The following FRY variants were observed in gnomAD, a reference collection of about 807,000 sequenced individuals.
The protein encoded by FRY is protein furry homolog.
FRY carries 128 observed loss-of-function variants against 348.4 expected under a neutral mutation model. That is an observed-to-expected ratio of 0.37 (90% CI 0.32 to 0.43). The LOEUF is 0.43. Ranked by LOEUF, FRY falls within the 20% of genes least tolerant of loss-of-function variation. FRY has a pLI of 1.00. For missense variants in FRY, 2,736 were observed against 3,695.2 expected, an observed-to-expected ratio of 0.74 and a Z score of 6.73; for synonymous variants, 1,370 against 1,374.7, an observed-to-expected ratio of 1.00 and a Z score of 0.08.
At chr13:32,268,505 A>AAAAAATAT (rs1555273232) in intron 55 of FRY, among the ~76,000 whole-genome samples, 1 of 28,302 alleles carries the variant, frequency 3.5e-5, no homozygotes, top group Non-Finnish European at 8.2e-5. Flanking sequence ...AAAAAAAAAA[A>AAAAAATAT]ATATATATAT....
At chr13:32,262,572 G>A in intron 53 of FRY, 97 bp downstream of exon 53, 2 of 879,362 alleles carry the variant, frequency 2.3e-6, no homozygotes, top group South Asian at 1.4e-5. Flanking sequence ...GTCTCAAGTA[G>A]AAAGACTATC....
chr13:32,280,480 A>G (rs990582293), intron 58 of FRY, among the ~76,000 whole-genome samples: 2 of 152,236 alleles, frequency 1.3e-5, no homozygotes, highest in Non-Finnish European at 2.9e-5. Flanking sequence ...TTCAGATTTT[A>G]TGGCCACCCA....
chr13:32,239,286 G>C lies in FRY; in HGVS notation c.6453G>C (p.Gln2151His), dbSNP rs200943295. 5.0e-6 allele frequency: 8 copies of C among 1,611,062 alleles called. No individual in the cohort carries two copies. Among genetic ancestry groups the C allele is most frequent in the South Asian group, 3.3e-5 (3 of 91,018 alleles). The change falls in exon 45 of 61, where the codon CAG (glutamine) becomes CAC (histidine). Residue 2151 changes from glutamine (Q) to histidine (H), a missense_variant. Physicochemically the swap from Gln to His is conservative, Grantham distance 24. Transcript: ENST00000542859. The surrounding 1 kb of genome is among the most constrained non-coding windows in gnomAD (Gnocchi z 4.3). ...FPLNVLCLLP[Q>H]LIQHFENPNQ... is the part of the protein sequence containing the mutation. Reference sequence around the variant, plus strand: ...TGAATGTCTTGTGTCTCCTGCCTCAGCTGATTCAGCATTTTGAAAATCCCA... The same window carrying C: ...TGAATGTCTTGTGTCTCCTGCCTCACCTGATTCAGCATTTTGAAAATCCCA...
intron 8 of FRY, 37 bp downstream of exon 8, chr13:32,131,877 C>T (rs1879388023): frequency 1.3e-6 from 2 of 1,484,902 alleles, no homozygotes; most frequent in East Asian, 4.5e-5. Context: ...GTGCTCTCAA[C>T]TTGAGCACTT....
chr13:32,135,692 A>G (rs1407400441), intron 10 of FRY, among the ~76,000 whole-genome samples: 1 of 152,178 alleles, frequency 6.6e-6, no homozygotes, highest in African/African-American at 2.4e-5. Flanking sequence ...AGTATAGAAA[A>G]TCTTTTAGGT....
intron 50 of FRY, among the ~76,000 whole-genome samples, chr13:32,253,161 ATCAGAAATC>A (rs1887169130): frequency 6.6e-6 from 1 of 152,228 alleles, no homozygotes; most frequent in Non-Finnish European, 1.5e-5. Flanking sequence ...AGCTGAGGAA[ATCAGAAATC>A]TCATGTCTCG....
chr13:32,242,722 A>G (rs1455544918), intron 46 of FRY, among the ~76,000 whole-genome samples: 3 of 151,972 alleles, frequency 2.0e-5, no homozygotes, highest in Non-Finnish European at 4.4e-5. Context: ...TTTAGTAGAG[A>G]CTGGGTTTCA....
At chr13:32,249,439 G>A (rs992417210) in intron 48 of FRY, 87 bp from the exon 49 acceptor site, 1 of 1,376,134 alleles carries the variant, frequency 7.3e-7, no homozygotes, top group African/African-American at 1.4e-5. Flanking sequence ...AATCAAATAA[G>A]CAGCTCTTGG....
intron 17 of FRY, among the ~76,000 whole-genome samples, chr13:32,168,202 G>C (rs1881858998): frequency 6.6e-6 from 1 of 152,146 alleles, no homozygotes; most frequent in African/African-American, 2.4e-5. Flanking sequence ...GAAGAGCCAA[G>C]TTTCCAGTTT....
intron 2 of FRY, among the ~76,000 whole-genome samples, chr13:32,089,010 G>A (rs537977013): frequency 2.0e-5 from 3 of 152,200 alleles, no homozygotes; most frequent in South Asian, 2.1e-4. Flanking sequence ...ATAAAAATAC[G>A]TTCAATAATA....
At chr13:32,204,427 C>G (rs566537317) in intron 31 of FRY, among the ~76,000 whole-genome samples, 1 of 152,318 alleles carries the variant, frequency 6.6e-6, no homozygotes, top group African/African-American at 2.4e-5. Context: ...TCCTCCAAAG[C>G]CATTGCTATA....
chr13:32,239,493 G>A lies in FRY; in HGVS notation c.6516+144G>A. 2 of 721,542 alleles carry A rather than the reference G, an allele frequency of 2.8e-6. No homozygotes were observed. The highest frequency in any genetic ancestry group is 5.0e-6 in the Non-Finnish European group (2 of 398,332). 44.7% of individuals were successfully genotyped at this position (721,542 alleles called of 1,614,324 possible). On this transcript the variant is annotated intron_variant, in intron 45 of 60. Transcript: ENST00000542859. This position sits in a 1 kb window ranked among gnomAD's most constrained non-coding sequence, Gnocchi z 4.3. The stretch of plus-strand genomic sequence containing the variant: ...CTAATATCACAGTAATGGAAATATA[G>A]GGGTGGCTGATGCAAATTGTCTTGC...
chr13:32,224,067 T>C (rs1885455426), intron 36 of FRY, among the ~76,000 whole-genome samples, 168 bp from the exon 37 acceptor site: 2 of 151,528 alleles, frequency 1.3e-5, no homozygotes, highest in South Asian at 2.1e-4. Context: ...TCCAATGCAC[T>C]CCAGCCTGGG....
intron 39 of FRY, among the ~76,000 whole-genome samples, chr13:32,226,682 A>G (rs535937728): frequency 6.6e-6 from 1 of 152,286 alleles, no homozygotes; most frequent in South Asian, 2.1e-4. Context: ...TACACATTGC[A>G]TTGGCGCCAG....
chr13:32,292,636 C>G (rs1004867557), intron 59 of FRY, among the ~76,000 whole-genome samples: 3 of 151,596 alleles, frequency 2.0e-5, no homozygotes, highest in African/African-American at 7.3e-5. Context: ...TACTAAAATA[C>G]AAAAAACTAG....
intron 1 of FRY, among the ~76,000 whole-genome samples, chr13:32,036,911 A>G (rs150522197): frequency 2.0e-5 from 3 of 152,206 alleles, no homozygotes; most frequent in African/African-American, 7.2e-5. Context: ...TTAGTGCTTT[A>G]TAGGTACTTT....
At chr13:32,251,741 TCATAC>T in intron 49 of FRY, 132 bp from the exon 50 acceptor site, 1 of 689,800 alleles carries the variant, frequency 1.4e-6, no homozygotes, top group Non-Finnish European at 2.7e-6. Context: ...TGTTCTTTTT[TCATAC>T]TTTTGTGTAT....
At chr13:32,107,693 A>G (rs1877650850) in intron 3 of FRY, among the ~76,000 whole-genome samples, 1 of 152,176 alleles carries the variant, frequency 6.6e-6, no homozygotes, top group African/African-American at 2.4e-5. Context: ...AATCAGATAA[A>G]TGATAACCGC....
At position 32,147,834 on chromosome 13, in the gene FRY, T is replaced by G; in HGVS notation, c.1284-5T>G. 6.4e-7 allele frequency: 1 copy of G among 1,565,576 alleles called. No homozygotes were observed. The highest frequency in any genetic ancestry group is 8.8e-7 in the Non-Finnish European group (1 of 1,135,684). On this transcript the variant is annotated splice_region_variant and splice_polypyrimidine_tract_variant and intron_variant, in intron 12 of 60. Coordinates refer to ENST00000542859, the MANE Select transcript of FRY (RefSeq NM_023037.3). Reference sequence around the variant, plus strand: ...TTGTTTTCTCTTTTCCCCCTTATCTTTCAGCCGACTTATAACCATCATCAC... The same window carrying G: ...TTGTTTTCTCTTTTCCCCCTTATCTGTCAGCCGACTTATAACCATCATCAC...
Sources: allele counts gnomAD v4.1 joint callset (sites outside exome capture counted in the v4.1 genomes callset), GRCh38; gene constraint gnomAD v4.1.1; non-coding constraint Gnocchi (gnomAD v3.1); transcripts MANE v1.5; gene names NCBI Gene and HGNC (gene_info 2026-07-23, HGNC 2026-07-21).